The following ZYG11B variants were observed in gnomAD, a reference collection of about 807,000 sequenced individuals.
ZYG11B encodes the protein zyg-11 family member B, cell cycle regulator, also known as protein zyg-11 homolog B.
In ZYG11B, 36 loss-of-function variants were observed where a neutral mutation model predicts 82.4. The observed-to-expected ratio is 0.44, with a 90% CI of 0.33 to 0.58. The LOEUF is 0.58. ZYG11B is among the 20% of genes least tolerant of loss of function. ZYG11B has a pLI of 0.02. For synonymous variants in ZYG11B, 303 were observed against 312.8 expected (o/e 0.97, Z 0.33); for missense variants, 552 against 895.6 (o/e 0.62, Z 4.90).
chr1:52,766,157 G>T (rs1644681890), intron 2 of ZYG11B, among the ~76,000 whole-genome samples: 1 of 127,280 alleles, frequency 7.9e-6, no homozygotes, highest in African/African-American at 3.1e-5. Context: ...ATCTTGCTGT[G>T]TCGCCCAGGC....
intron 2 of ZYG11B, among the ~76,000 whole-genome samples, chr1:52,758,084 C>T (rs917989466): frequency 2.0e-5 from 3 of 150,644 alleles, no homozygotes. Context: ...CCTGTAGTCC[C>T]AGCTGCTCAG....
In ZYG11B at chr1:52,771,001, G is replaced by T; in HGVS notation, c.197-19G>T. 6.3e-7 allele frequency: 1 copy of T among 1,579,904 alleles called. No homozygotes were observed. The highest frequency in any genetic ancestry group is 8.6e-7 in the Non-Finnish European group (1 of 1,162,258). ...TTTAACTGTTTTTTGAATTTAAAAC[G>T]CTGCTTGTTTTTCCACAGGTCTATT... On this transcript the variant is annotated intron_variant, in intron 2 of 13. Coordinates refer to ENST00000294353, the MANE Select transcript of ZYG11B (RefSeq NM_024646.3). This position sits in a 1 kb window ranked among gnomAD's most constrained non-coding sequence, Gnocchi z 5.4.
Position 52,770,881 on chromosome 1 carries a change from A to G in ZYG11B, c.197-139A>G, listed in dbSNP as rs1004066979. 1.6e-5 allele frequency: 17 copies of G among 1,034,124 alleles called. 1 individual carries two copies. Among genetic ancestry groups the G allele is most frequent in the South Asian group, 3.1e-5 (2 of 63,696 alleles). The allele number at this position is 1,034,124 out of a possible 1,614,324, so 64.1% of individuals were successfully genotyped here. On this transcript the variant is annotated intron_variant, in intron 2 of 13. Coordinates refer to ENST00000294353, the MANE Select transcript of ZYG11B (RefSeq NM_024646.3). Reference sequence around the variant, plus strand: ...ACTCATCTACAAGTTGTAAACAATAATAATCTCACCTAAATGAATTGTGAT... The same window carrying G: ...ACTCATCTACAAGTTGTAAACAATAGTAATCTCACCTAAATGAATTGTGAT...
intron 6 of ZYG11B, among the ~76,000 whole-genome samples, chr1:52,793,908 C>A (rs1323958218): frequency 6.7e-6 from 1 of 149,968 alleles, no homozygotes; most frequent in African/African-American, 2.5e-5. Flanking sequence ...TCCTTTCTTT[C>A]CTTTCTTTCC....
At chr1:52,745,984 A>G (rs1412350024) in intron 1 of ZYG11B, among the ~76,000 whole-genome samples, 4 of 148,556 alleles carry the variant, frequency 2.7e-5, no homozygotes, top group Non-Finnish European at 5.9e-5. Context: ...TTTGAGACGG[A>G]GTCTCACTCT....
At chr1:52,799,698 G>A (rs1645059549) in intron 8 of ZYG11B, among the ~76,000 whole-genome samples, 1 of 151,996 alleles carries the variant, frequency 6.6e-6, no homozygotes, top group South Asian at 2.1e-4. Flanking sequence ...AAGAGGCTAA[G>A]GCAGGAGAAT....
Position 52,771,609 on chromosome 1 carries a change from A to G in ZYG11B, c.786A>G (p.Lys262=). The change falls in exon 3 of 14, where the codon AAA becomes AAG. Residue 262 remains lysine (K), a synonymous_variant. Coordinates refer to ENST00000294353, the MANE Select transcript of ZYG11B (RefSeq NM_024646.3). The surrounding 1 kb of genome is among the most constrained non-coding windows in gnomAD (Gnocchi z 5.4). ...SDIALRLLEQ[K]DILPNLVSLD... Reference sequence around the variant, plus strand: ...TAGCTCTTCGCTTACTAGAACAAAAAGACATCCTACCTAACCTTGTTTCTC... The same window carrying G: ...TAGCTCTTCGCTTACTAGAACAAAAGGACATCCTACCTAACCTTGTTTCTC... 6.2e-7 allele frequency: 1 copy of G among 1,614,236 alleles called. No individual in the cohort carries two copies. Among genetic ancestry groups the G allele is most frequent in the Admixed American group, 1.7e-5 (1 of 60,026 alleles).
At chr1:52,817,815 A>ATTTTT (rs1176871667) in intron 13 of ZYG11B, among the ~76,000 whole-genome samples, 1 of 27,664 alleles carries the variant, frequency 3.6e-5, no homozygotes, top group Non-Finnish European at 6.3e-5. Context: ...ATATATATAT[A>ATTTTT]TTTTTTTTTT....
chr1:52,728,160 G>C (rs1045245627), intron 1 of ZYG11B, among the ~76,000 whole-genome samples: 1 of 152,150 alleles, frequency 6.6e-6, no homozygotes, highest in Non-Finnish European at 1.5e-5. Flanking sequence ...GGCCAGCTAG[G>C]TGCTTGAATG....
chr1:52,738,681 G>A (rs1432097446), intron 1 of ZYG11B, among the ~76,000 whole-genome samples: 2 of 149,060 alleles, frequency 1.3e-5, no homozygotes, highest in African/African-American at 5.0e-5. Context: ...TTGGCTCACC[G>A]CAACCACTGC....
rs1558140239 is a variant in ZYG11B, at chr1:52,803,149, TATATACACATATATATATAC to T, written c.1695+1012_1695+1031del. Among the ~76,000 whole-genome samples the T allele has an allele frequency of 1.0e-4, 7 of 69,752 alleles. 1 individual carries two copies. The highest frequency in any genetic ancestry group is 4.0e-4 in the African/African-American group (5 of 12,506). The allele number at this position is 69,752 out of a possible 152,430, so 45.8% of individuals were successfully genotyped here. ...ATATATATATACACACATATATATA[TATATACACATATATATATAC>T]ACACATATATATATATATACACATA... On this transcript the variant is annotated intron_variant, in intron 10 of 13. Coordinates refer to ENST00000294353, the MANE Select transcript of ZYG11B (RefSeq NM_024646.3).
chr1:52,752,450 T>G (rs749056730), intron 1 of ZYG11B, among the ~76,000 whole-genome samples: 1 of 152,160 alleles, frequency 6.6e-6, no homozygotes, highest in African/African-American at 2.4e-5. Context: ...GATGCATTAT[T>G]ACATATGCAT....
At position 52,780,012 on chromosome 1, in the gene ZYG11B, A is replaced by T. The variant is rs1236338096; in HGVS notation, c.1092+19A>T. 1.9e-6 allele frequency: 3 copies of T among 1,601,778 alleles called. No homozygotes were observed. Among genetic ancestry groups the T allele is most frequent in the Non-Finnish European group, 2.6e-6 (3 of 1,175,940 alleles). The stretch of plus-strand genomic sequence containing the variant: ...TTTAAAGGTAAGAATAAGAAACTGG[A>T]TATGAAATTTTTGAAATGATCTCCC... On this transcript the variant is annotated intron_variant, in intron 4 of 13. Transcript: ENST00000294353.
intron 3 of ZYG11B, among the ~76,000 whole-genome samples, chr1:52,773,384 G>A (rs1644771760): frequency 2.0e-5 from 3 of 150,108 alleles, no homozygotes; most frequent in Admixed American, 6.7e-5. Flanking sequence ...TGAGGCAGGA[G>A]AATCACTTGA....
intron 2 of ZYG11B, among the ~76,000 whole-genome samples, chr1:52,760,128 C>T (rs575889025): frequency 7.9e-5 from 12 of 152,238 alleles, no homozygotes; most frequent in South Asian, 2.1e-4. Context: ...CCAGTGCTCC[C>T]GCCTTGTGAA....
chr1:52,812,624 C>T (rs371912064), intron 10 of ZYG11B, among the ~76,000 whole-genome samples: 29 of 149,260 alleles, frequency 1.9e-4, no homozygotes, highest in African/African-American at 6.9e-4. Flanking sequence ...AGGCTGGTCT[C>T]GAACTCCTGA....
rs11803531 is a variant in ZYG11B, at chr1:52,752,128, A to C, written c.31-4330A>C. 2.7e-3 allele frequency among the ~76,000 whole-genome samples: 413 copies of C among 152,264 alleles called. 3 individuals are homozygous for C. Among genetic ancestry groups the C allele is most frequent in the African/African-American group, 9.5e-3 (394 of 41,554 alleles). Reference sequence around the variant, plus strand: ...GCCTCCCTCAGATGCCAATTCAGGTAGTAGGTCTCTGGATTAACCACAACA... The same window carrying C: ...GCCTCCCTCAGATGCCAATTCAGGTCGTAGGTCTCTGGATTAACCACAACA... On this transcript the variant is annotated intron_variant, in intron 1 of 13. Coordinates refer to ENST00000294353, the MANE Select transcript of ZYG11B (RefSeq NM_024646.3).
At chr1:52,731,109 C>T (rs1644328002) in intron 1 of ZYG11B, among the ~76,000 whole-genome samples, 1 of 151,798 alleles carries the variant, frequency 6.6e-6, no homozygotes, top group African/African-American at 2.4e-5. Context: ...CCCGTCTCTA[C>T]TAAAAATGCA....
intron 1 of ZYG11B, among the ~76,000 whole-genome samples, 155 bp downstream of exon 1, chr1:52,726,838 AG>A (rs1298902439): frequency 3.4e-5 from 5 of 148,968 alleles, no homozygotes; most frequent in Non-Finnish European, 4.5e-5. Context: ...CTCGGTGTTC[AG>A]CTCCTCCTTC....
Sources: allele counts gnomAD v4.1 joint callset (sites outside exome capture counted in the v4.1 genomes callset), GRCh38; gene constraint gnomAD v4.1.1; non-coding constraint Gnocchi (gnomAD v3.1); transcripts MANE v1.5; gene names NCBI Gene and HGNC (gene_info 2026-07-23, HGNC 2026-07-21).